The following CCN4 variants were observed in gnomAD, a reference collection of about 807,000 sequenced individuals.
The protein encoded by CCN4 is CCN family member 4.
CCN4 carries 30 observed loss-of-function variants against 36.7 expected under a neutral mutation model. The ratio of observed to expected loss-of-function variants is 0.82; its 90% CI spans 0.61 to 1.11. The LOEUF (loss-of-function observed/expected upper bound fraction) is 1.11, where lower values mean the gene tolerates loss of function less well. Among genes scored for constraint, CCN4 ranks in the 50% least tolerant of loss-of-function variants. CCN4 has a pLI of 0.00. For synonymous variants in CCN4, 191 were observed against 195.4 expected (o/e 0.98, Z 0.19); for missense variants, 505 against 504.9 (o/e 1.00, Z 0.00).
chr8:133,192,331 C>G (rs1853145473), intron 1 of CCN4, among the ~76,000 whole-genome samples: 1 of 152,206 alleles, frequency 6.6e-6, no homozygotes, highest in South Asian at 2.1e-4. Flanking sequence ...AGGAATTCCT[C>G]TCAATGCCTC....
chr8:133,218,695 C>T (rs1023686483), intron 2 of CCN4, among the ~76,000 whole-genome samples: 4 of 152,150 alleles, frequency 2.6e-5, no homozygotes, highest in African/African-American at 9.7e-5. Context: ...GGTGGCCACT[C>T]ATGATGTCCG....
chr8:133,206,378 C>T (rs554412430), intron 1 of CCN4, among the ~76,000 whole-genome samples: 15 of 152,292 alleles, frequency 9.8e-5, no homozygotes, highest in Admixed American at 4.6e-4. Flanking sequence ...ACTCCGCAAG[C>T]GGATGTGCAA....
intron 1 of CCN4, among the ~76,000 whole-genome samples, chr8:133,202,022 T>G (rs1853605797): frequency 2.0e-5 from 3 of 152,188 alleles, no homozygotes; most frequent in Admixed American, 1.3e-4. Context: ...AGAACACAGT[T>G]TAAATTTGTG....
chr8:133,224,056 G>C (rs562271560), intron 3 of CCN4, among the ~76,000 whole-genome samples: 3 of 151,976 alleles, frequency 2.0e-5, no homozygotes. Flanking sequence ...TTTCATAGGC[G>C]TGAAGTCATC....
At chr8:133,216,711 A>G (rs191330954) in intron 2 of CCN4, among the ~76,000 whole-genome samples, 1 of 152,350 alleles carries the variant, frequency 6.6e-6, no homozygotes. Context: ...TGGAAGGATT[A>G]TGATATTTAC....
intron 3 of CCN4, among the ~76,000 whole-genome samples, chr8:133,222,039 G>GTAGA (rs953235970): frequency 6.7e-6 from 1 of 148,470 alleles, no homozygotes. Context: ...GGATGAATAG[G>GTAGA]TAGATAGATG....
intron 1 of CCN4, among the ~76,000 whole-genome samples, chr8:133,211,814 C>A (rs1854049300): frequency 6.6e-6 from 1 of 152,224 alleles, no homozygotes; most frequent in South Asian, 2.1e-4. Context: ...TGGCTCCCGT[C>A]CCCGCTCCTG....
chr8:133,213,679 T>C (rs1483502629), intron 2 of CCN4, among the ~76,000 whole-genome samples: 2 of 148,262 alleles, frequency 1.3e-5, no homozygotes, highest in African/African-American at 4.9e-5. Flanking sequence ...AAATATAATA[T>C]AGTATATTAT....
Position 133,213,074 on chromosome 8 carries a change from G to A in CCN4, c.280G>A (p.Asp94Asn). 1 of 1,614,114 alleles carries A rather than the reference G, an allele frequency of 6.2e-7. No homozygotes were observed. Among genetic ancestry groups the A allele is most frequent in the South Asian group, 1.1e-5 (1 of 91,082 alleles). The part of the protein sequence containing the change: ...GDNCTEAAIC[D>N]PHRGLYCDYS... ...CAACTGCACGGAGGCTGCCATCTGT[G>A]ACCCCCACCGGGGCCTCTACTGTGA... The change falls in exon 2 of 5, where the codon GAC (aspartate) becomes AAC (asparagine). Residue 94 changes from aspartate (D) to asparagine (N), a missense_variant. Asp to Asn is a conservative substitution (Grantham distance 23). Transcript: ENST00000250160.
At chr8:133,202,923 G>A (rs1853639746) in intron 1 of CCN4, among the ~76,000 whole-genome samples, 2 of 152,222 alleles carry the variant, frequency 1.3e-5, no homozygotes, top group Admixed American at 6.5e-5. Context: ...GGAAGACATG[G>A]GCACCGGCCA....
intron 1 of CCN4, among the ~76,000 whole-genome samples, chr8:133,199,598 C>T (rs926346985): frequency 2.1e-4 from 32 of 152,156 alleles, no homozygotes; most frequent in Non-Finnish European, 3.1e-4. Context: ...CTTTTGGGAG[C>T]TCATGGATAA....
intron 2 of CCN4, among the ~76,000 whole-genome samples, chr8:133,218,017 G>A (rs1564263597): frequency 6.6e-6 from 1 of 151,928 alleles, no homozygotes; most frequent in African/African-American, 2.4e-5. Flanking sequence ...ATGCAAAGAT[G>A]AGTGATTCAC....
At chr8:133,204,519 C>T (rs1853698228) in intron 1 of CCN4, among the ~76,000 whole-genome samples, 2 of 152,334 alleles carry the variant, frequency 1.3e-5, no homozygotes, top group South Asian at 2.1e-4. Context: ...GCTACGGATT[C>T]CAGGCTTCAG....
rs1487733038 is a variant in CCN4 at position 133,191,505 on chromosome 8, T to G, written c.69+292T>G. Among the ~76,000 whole-genome samples the G allele has an allele frequency of 3.9e-5, 6 of 152,216 alleles. No individual in the cohort carries two copies. The East Asian group carries it at 9.7e-4, about 25-fold the overall frequency. ...GAAAGAACGGGGCCCTCAGCAGAAC[T>G]GGGAGTCAGGGGCCCGGGCTCCAGA... On this transcript the variant is annotated intron_variant, in intron 1 of 4. Coordinates refer to ENST00000250160, the MANE Select transcript of CCN4 (RefSeq NM_003882.4).
chr8:133,197,431 C>T (rs1324511980), intron 1 of CCN4, among the ~76,000 whole-genome samples: 2 of 151,954 alleles, frequency 1.3e-5, no homozygotes, highest in Non-Finnish European at 1.5e-5. Flanking sequence ...AGAAAGACCT[C>T]ACCCTCACAC....
At chr8:133,204,706 C>A (rs1034862247) in intron 1 of CCN4, among the ~76,000 whole-genome samples, 7 of 152,242 alleles carry the variant, frequency 4.6e-5, no homozygotes, top group African/African-American at 1.7e-4. Flanking sequence ...AGGCATGTGC[C>A]ACTACATCCA....
At chr8:133,202,705 C>G (rs773203919) in intron 1 of CCN4, among the ~76,000 whole-genome samples, 1 of 152,192 alleles carries the variant, frequency 6.6e-6, no homozygotes, top group African/African-American at 2.4e-5. Flanking sequence ...ATGTACCTGG[C>G]TCATACACCT....
At chr8:133,197,890 G>T (rs564288149) in intron 1 of CCN4, among the ~76,000 whole-genome samples, 2 of 152,328 alleles carry the variant, frequency 1.3e-5, no homozygotes, top group Admixed American at 1.3e-4. Context: ...GCCCATGGCT[G>T]GGAGGGGATG....
At chr8:133,194,430 GTA>G (rs1457353924) in intron 1 of CCN4, among the ~76,000 whole-genome samples, 9 of 83,384 alleles carry the variant, frequency 1.1e-4, no homozygotes, top group African/African-American at 4.0e-4. Flanking sequence ...TGTGTGTGTG[GTA>G]TGTGTGTGTG....
Sources: gnomAD v4.1 joint callset for allele counts (sites outside exome capture counted in the v4.1 genomes callset) on GRCh38, gnomAD v4.1.1 for gene constraint, MANE v1.5 for transcripts, NCBI Gene and HGNC (gene_info 2026-07-23, HGNC 2026-07-21) for gene names.